The following TMPO variants were observed in gnomAD, a reference collection of about 807,000 sequenced individuals.
TMPO encodes thymopoietin.
TMPO carries 22 observed loss-of-function variants against 45.4 expected under a neutral mutation model. The observed-to-expected ratio is 0.48, with a 90% confidence interval of 0.35 to 0.69. TMPO has a LOEUF of 0.69. TMPO is among the 30% of genes least tolerant of loss of function. TMPO has a pLI of 0.01. For missense variants in TMPO, 512 were observed against 548.8 expected, an observed-to-expected ratio of 0.93 and a Z score of 0.67; for synonymous variants, 241 against 204.1, an observed-to-expected ratio of 1.18 and a Z score of -1.54.
At chr12:98,517,178 G>T (rs1490216673) in intron 1 of TMPO, among the ~76,000 whole-genome samples, 1 of 152,212 alleles carries the variant, frequency 6.6e-6, no homozygotes, top group Non-Finnish European at 1.5e-5. Context: ...AATTTTGCTT[G>T]AGGAAACGAA....
chr12:98,542,006 G>A (rs1461215268), intron 4 of TMPO, among the ~76,000 whole-genome samples: 6 of 152,122 alleles, frequency 3.9e-5, no homozygotes, highest in African/African-American at 7.2e-5. Context: ...TTTTATGGAT[G>A]TACTGTAATT....
At chr12:98,545,708 A>G (rs1878190104) in intron 7 of TMPO, among the ~76,000 whole-genome samples, 1 of 152,148 alleles carries the variant, frequency 6.6e-6, no homozygotes, top group African/African-American at 2.4e-5. Flanking sequence ...CTTTTACTAC[A>G]GAATTCTTAA....
chr12:98,537,624 A>G (rs1477550363), intron 4 of TMPO, 52 bp downstream of exon 4: 3 of 1,337,898 alleles, frequency 2.2e-6, no homozygotes, highest in African/African-American at 2.9e-5. Context: ...CCTCCTGACA[A>G]CACTAATCCA....
intron 1 of TMPO, among the ~76,000 whole-genome samples, chr12:98,516,769 T>G (rs2121101538): frequency 6.6e-6 from 1 of 152,356 alleles, no homozygotes; most frequent in Non-Finnish European, 1.5e-5. Context: ...AAGGAGCATT[T>G]TAAACTATAT....
chr12:98,538,938 C>T (rs1233952649), intron 4 of TMPO, among the ~76,000 whole-genome samples: 5 of 152,030 alleles, frequency 3.3e-5, no homozygotes, highest in Non-Finnish European at 5.9e-5. Flanking sequence ...CGGTGGCTCA[C>T]GCCTGTAATC....
At chr12:98,536,543 G>A (rs1208596393) in intron 3 of TMPO, among the ~76,000 whole-genome samples, 1 of 151,970 alleles carries the variant, frequency 6.6e-6, no homozygotes, top group Admixed American at 6.6e-5. Context: ...TAGTAGAGAC[G>A]GGGTTTCACC....
intron 4 of TMPO, among the ~76,000 whole-genome samples, chr12:98,542,451 C>CTTTT (rs35487542): frequency 9.0e-4 from 125 of 138,302 alleles, no homozygotes; most frequent in African/African-American, 3.1e-3. Flanking sequence ...GGGGCATTTG[C>CTTTT]TTTTTTTTTT....
At chr12:98,532,147 C>G (rs188120652) in intron 3 of TMPO, 5 of 274,472 alleles carry the variant, frequency 1.8e-5, no homozygotes, top group Admixed American at 1.0e-4. Flanking sequence ...CTTACCTGTA[C>G]CTATCACCTC....
At chr12:98,538,020 GT>G (rs1328873744) in intron 4 of TMPO, among the ~76,000 whole-genome samples, 1 of 152,186 alleles carries the variant, frequency 6.6e-6, no homozygotes, top group African/African-American at 2.4e-5. Flanking sequence ...TAAGACTACA[GT>G]TTTCTTTCCT....
At chr12:98,519,290 C>T (rs1290865778) in intron 1 of TMPO, among the ~76,000 whole-genome samples, 1 of 149,672 alleles carries the variant, frequency 6.7e-6, no homozygotes, top group East Asian at 2.0e-4. Context: ...TCTCTGCCTC[C>T]TGGGTTCAAA....
intron 4 of TMPO, among the ~76,000 whole-genome samples, chr12:98,540,613 G>A (rs1877859926): frequency 6.6e-6 from 1 of 152,104 alleles, no homozygotes; most frequent in East Asian, 1.9e-4. Flanking sequence ...CCCGACCTCA[G>A]GTGATCCACC....
intron 1 of TMPO, among the ~76,000 whole-genome samples, chr12:98,524,239 A>G (rs529800473): frequency 6.6e-6 from 1 of 152,338 alleles, no homozygotes; most frequent in African/African-American, 2.4e-5. Context: ...AAGGTGAAGA[A>G]TCAGAAATGG....
chr12:98,529,015 C>T (rs577613714), intron 2 of TMPO, among the ~76,000 whole-genome samples: 1 of 150,924 alleles, frequency 6.6e-6, no homozygotes, highest in East Asian at 1.9e-4. Flanking sequence ...TGACAGACTT[C>T]TTCTTAATGA....
At chr12:98,524,600 A>G (rs1038517828) in intron 1 of TMPO, among the ~76,000 whole-genome samples, 1 of 151,806 alleles carries the variant, frequency 6.6e-6, no homozygotes, top group Non-Finnish European at 1.5e-5. Context: ...AAAAAGAGTT[A>G]AGATTTTTTT....
In TMPO at chr12:98,521,100, A is replaced by ATT. The variant is rs398044704; in HGVS notation, c.279+4978_279+4979dup. 9.0e-3 allele frequency among the ~76,000 whole-genome samples: 687 copies of ATT among 76,722 alleles called. 22 individuals are homozygous for ATT. Among genetic ancestry groups the ATT allele is most frequent in the East Asian group, 0.052 (146 of 2,834 alleles). 50.3% of individuals were successfully genotyped at this position (76,722 alleles called of 152,430 possible). On this transcript the variant is annotated intron_variant, in intron 1 of 8. Coordinates refer to ENST00000556029, the MANE Select transcript of TMPO (RefSeq NM_001032283.3). ...CTATTTAATCATGGGTTTATGAGGA[A>ATT]TTTTTTTTTTTTTTTTTTTTTTTTT...
chr12:98,524,783 G>C (rs1272509659), intron 1 of TMPO, among the ~76,000 whole-genome samples: 1 of 151,848 alleles, frequency 6.6e-6, no homozygotes, highest in African/African-American at 2.4e-5. Context: ...TAAAAGAGAC[G>C]GGGTTTCACC....
At chr12:98,528,903 G>A (rs1248629175) in intron 2 of TMPO, among the ~76,000 whole-genome samples, 1 of 152,092 alleles carries the variant, frequency 6.6e-6, no homozygotes, top group African/African-American at 2.4e-5. Context: ...AGTCAAAGTT[G>A]CAGTGAGCCG....
rs188529161 is a variant in TMPO at position 98,539,501 on chromosome 12, C to A, written c.663+1929C>A. ...TTTTTTTTTTTTTTTGAGACAGAAT[C>A]TCACTCTGTCGCCCAGGTTGGAGTG... On this transcript the variant is annotated intron_variant, in intron 4 of 8. Transcript: ENST00000556029. 2.1e-3 allele frequency among the ~76,000 whole-genome samples: 271 copies of A among 127,392 alleles called. 2 individuals carry two copies. Among genetic ancestry groups the A allele is most frequent in the African/African-American group, 7.8e-3 (253 of 32,446 alleles). The allele number at this position is 127,392 out of a possible 152,430, so 83.6% of individuals were successfully genotyped here.
chr12:98,533,983 G>A, intron 3 of TMPO: 1 of 1,609,436 alleles, frequency 6.2e-7, no homozygotes, highest in Non-Finnish European at 8.5e-7. Context: ...ATATGAAGCT[G>A]CAGCATCAGC....
Sources: allele counts gnomAD v4.1 joint callset (sites outside exome capture counted in the v4.1 genomes callset), GRCh38; gene constraint gnomAD v4.1.1; transcripts MANE v1.5; gene names NCBI Gene and HGNC (gene_info 2026-07-23, HGNC 2026-07-21).